The following GAREM1 variants were observed in gnomAD, a reference collection of about 807,000 sequenced individuals.
GAREM1 encodes GRB2 associated regulator of MAPK1 subtype 1, also known as GRB2-associated and regulator of MAPK protein 1.
GAREM1 carries 26 observed loss-of-function variants against 71.3 expected under a neutral mutation model. The ratio of observed to expected loss-of-function variants is 0.36; its 90% CI spans 0.27 to 0.51. The LOEUF (loss-of-function observed/expected upper bound fraction) is 0.51, where lower values mean the gene tolerates loss of function less well. Among genes scored for constraint, GAREM1 ranks in the 20% least tolerant of loss-of-function variants. The pLI, the probability that GAREM1 is intolerant of heterozygous loss-of-function variation, is 0.95. For synonymous variants in GAREM1, 440 were observed against 433.2 expected, an observed-to-expected ratio of 1.02 and a Z score of -0.20; for missense variants, 1,026 against 1,103.1, an observed-to-expected ratio of 0.93 and a Z score of 0.99.
At chr18:32,435,392 A>G (rs912544242) in intron 1 of GAREM1, among the ~76,000 whole-genome samples, 2 of 152,184 alleles carry the variant, frequency 1.3e-5, no homozygotes, top group African/African-American at 2.4e-5. Flanking sequence ...GGTTAAGGGT[A>G]TATGGGAAAA....
At chr18:32,411,040 T>C (rs1409800913) in intron 1 of GAREM1, among the ~76,000 whole-genome samples, 1 of 152,204 alleles carries the variant, frequency 6.6e-6, no homozygotes, top group Non-Finnish European at 1.5e-5. Context: ...TGACCTCAAG[T>C]GATCTGCCCA....
chr18:32,454,730 C>T (rs1050605239), intron 1 of GAREM1, among the ~76,000 whole-genome samples: 2 of 152,222 alleles, frequency 1.3e-5, no homozygotes, highest in Non-Finnish European at 2.9e-5. Flanking sequence ...GGAATCATCA[C>T]TTCTTTCCTT....
chr18:32,372,434 T>C (rs2047990856), intron 2 of GAREM1, among the ~76,000 whole-genome samples: 1 of 152,202 alleles, frequency 6.6e-6, no homozygotes, highest in Non-Finnish European at 1.5e-5. Context: ...CCAATCCTAT[T>C]GATTTTTAGA....
intron 2 of GAREM1, among the ~76,000 whole-genome samples, chr18:32,360,054 C>T (rs11873319): frequency 0.11 from 16,056 of 151,896 alleles, 944 homozygotes; most frequent in African/African-American, 0.15. Context: ...AATGTTGATC[C>T]TCATGGAGAC....
At chr18:32,325,628 A>G (rs937550456) in intron 2 of GAREM1, among the ~76,000 whole-genome samples, 1 of 152,242 alleles carries the variant, frequency 6.6e-6, no homozygotes, top group Admixed American at 6.5e-5. Flanking sequence ...TCAGTAAGGC[A>G]CGTTTTGTTC....
intron 2 of GAREM1, among the ~76,000 whole-genome samples, chr18:32,337,973 A>C (rs928333687): frequency 2.1e-4 from 32 of 152,214 alleles, no homozygotes; most frequent in African/African-American, 7.5e-4. Flanking sequence ...GCATACCACA[A>C]GACCCAAACC....
rs746046073 is a variant in GAREM1 at position 32,266,184 on chromosome 18, C to T, written c.*1687G>A. The T allele has an allele frequency of 1.2e-4, 18 of 152,042 alleles. No individual in the cohort carries two copies. The highest frequency in any genetic ancestry group is 2.6e-4 in the Non-Finnish European group (18 of 68,022). The allele number at this position is 152,042 out of a possible 1,614,324, so 9.4% of individuals were successfully genotyped here. A position where few individuals can be genotyped will look rare whatever the true frequency, so the allele number is the denominator to read the frequency against. On this transcript the variant is annotated 3_prime_UTR_variant, in exon 6 of 6. Coordinates refer to ENST00000269209, the MANE Select transcript of GAREM1 (RefSeq NM_001242409.2). Reference sequence around the variant, plus strand: ...AAAATTGGGTATCAATTCACTTCAACTCTAAAACCACGATATGGATTAAAA... The same window carrying T: ...AAAATTGGGTATCAATTCACTTCAATTCTAAAACCACGATATGGATTAAAA...
intron 2 of GAREM1, among the ~76,000 whole-genome samples, chr18:32,364,013 T>TAC (rs2047897706): frequency 1.5e-5 from 1 of 67,892 alleles, no homozygotes; most frequent in African/African-American, 7.1e-5. Flanking sequence ...TATATATATA[T>TAC]ATATATATAT....
At chr18:32,325,610 G>A (rs1329950713) in intron 2 of GAREM1, among the ~76,000 whole-genome samples, 2 of 152,178 alleles carry the variant, frequency 1.3e-5, no homozygotes, top group Admixed American at 6.5e-5. Context: ...GACTGAGGTA[G>A]GACAGTCTCA....
At chr18:32,359,260 A>AC (rs1374237656) in intron 2 of GAREM1, among the ~76,000 whole-genome samples, 27 of 152,112 alleles carry the variant, frequency 1.8e-4, no homozygotes, top group African/African-American at 6.3e-4. Flanking sequence ...AGAGGTGTGT[A>AC]TTTCTAACTC....
Position 32,423,999 on chromosome 18 carries a change from G to A in GAREM1, c.122-30964C>T, listed in dbSNP as rs539752686. 1.6e-4 allele frequency among the ~76,000 whole-genome samples: 25 copies of A among 152,180 alleles called. 1 individual carries two copies. The East Asian group carries it at 4.8e-3, about 29-fold the overall frequency. On this transcript the variant is annotated intron_variant, in intron 1 of 5. Coordinates refer to ENST00000269209, the MANE Select transcript of GAREM1 (RefSeq NM_001242409.2). ...AAAAATTCAAAAATTAGCTGGATGT[G>A]GTGGTACATGCCTGTAGTCCCAGCT... is the stretch of plus-strand genomic sequence containing the variant.
At chr18:32,385,686 C>T (rs2048140208) in intron 2 of GAREM1, among the ~76,000 whole-genome samples, 1 of 151,916 alleles carries the variant, frequency 6.6e-6, no homozygotes, top group Admixed American at 6.6e-5. Flanking sequence ...GATCTCTCCT[C>T]TCTAGGATGA....
intron 1 of GAREM1, among the ~76,000 whole-genome samples, chr18:32,420,396 T>C (rs906470651): frequency 6.6e-6 from 1 of 151,422 alleles, no homozygotes; most frequent in Admixed American, 6.6e-5. Flanking sequence ...CCACTGATAT[T>C]GAGGGAAATG....
At chr18:32,360,559 T>C (rs2047856006) in intron 2 of GAREM1, among the ~76,000 whole-genome samples, 5 of 151,974 alleles carry the variant, frequency 3.3e-5, no homozygotes, top group Admixed American at 3.3e-4. Flanking sequence ...TACAGATCTT[T>C]TTTGGGGGGG....
At chr18:32,397,706 G>C (rs2048271400) in intron 1 of GAREM1, among the ~76,000 whole-genome samples, 1 of 152,204 alleles carries the variant, frequency 6.6e-6, no homozygotes, top group East Asian at 1.9e-4. Flanking sequence ...ATAATAATGG[G>C]AGACTTCAAC....
chr18:32,457,623 G>A (rs1353633887), intron 1 of GAREM1, among the ~76,000 whole-genome samples: 1 of 151,968 alleles, frequency 6.6e-6, no homozygotes, highest in African/African-American at 2.4e-5. Context: ...AAGCTTCTTT[G>A]GTGTGGCACT....
Position 32,470,455 on chromosome 18 carries a change from T to TC in GAREM1, c.-28dup, listed in dbSNP as rs1189313977. 7.7e-7 allele frequency: 1 copy of TC among 1,305,050 alleles called. No homozygotes were observed. 80.8% of individuals were successfully genotyped at this position (1,305,050 alleles called of 1,614,324 possible). A position where few individuals can be genotyped will look rare whatever the true frequency, so the allele number is the denominator to read the frequency against. On this transcript the variant is annotated 5_prime_UTR_variant, in exon 1 of 6. Transcript: ENST00000269209. This position sits in a 1 kb window ranked among gnomAD's most constrained non-coding sequence, Gnocchi z 4.4. Reference sequence around the variant, plus strand: ...TTCCCCGAAGCCTCCTGTCCCGCGCTCCCCCGCCGCCGCCACCGGCACCAC... The same window carrying TC: ...TTCCCCGAAGCCTCCTGTCCCGCGCTCCCCCCGCCGCCGCCACCGGCACCAC...
In GAREM1 at chr18:32,385,212, A is replaced by G. The variant is rs551556485; in HGVS notation, c.262+7683T>C. ...TTTTTTAAATAAAATTTTTATATTT[A>G]CTTTGCTCCCCCCAAATCAAATGTC... On this transcript the variant is annotated intron_variant, in intron 2 of 5. Coordinates refer to ENST00000269209, the MANE Select transcript of GAREM1 (RefSeq NM_001242409.2). Among the ~76,000 whole-genome samples the G allele has an allele frequency of 6.0e-5, 9 of 150,768 alleles. No homozygotes were observed. In the East Asian group the frequency reaches 1.4e-3, roughly 23 times the overall value.
At chr18:32,276,922 T>C (rs1372087251) in intron 4 of GAREM1, among the ~76,000 whole-genome samples, 1 of 152,142 alleles carries the variant, frequency 6.6e-6, no homozygotes, top group Non-Finnish European at 1.5e-5. Flanking sequence ...AACTACACTT[T>C]AGTGCTCACA....
Sources: allele counts gnomAD v4.1 joint callset (sites outside exome capture counted in the v4.1 genomes callset), GRCh38; gene constraint gnomAD v4.1.1; non-coding constraint Gnocchi (gnomAD v3.1); transcripts MANE v1.5; gene names NCBI Gene and HGNC (gene_info 2026-07-23, HGNC 2026-07-21).